TBCK: variants seen among roughly 807,000 people sequenced by gnomAD.
TBCK encodes the protein TBC domain-containing protein kinase-like protein.
Under a neutral mutation model 113.4 loss-of-function variants are expected in TBCK, and 99 were observed. The ratio of observed to expected loss-of-function variants is 0.87; its 90% CI spans 0.74 to 1.03. TBCK has a LOEUF of 1.03. Among genes scored for constraint, TBCK ranks in the 50% least tolerant of loss-of-function variants. TBCK has a pLI of 0.00. For synonymous variants in TBCK, 369 were observed against 370.8 expected, an observed-to-expected ratio of 1.00 and a Z score of 0.05; for missense variants, 1,045 against 1,061.3, an observed-to-expected ratio of 0.98 and a Z score of 0.21.
intron 5 of TBCK, among the ~76,000 whole-genome samples, chr4:106,254,467 A>T (rs777843665): frequency 6.6e-6 from 1 of 152,190 alleles, no homozygotes; most frequent in South Asian, 2.1e-4. Flanking sequence ...ATGACTTGAA[A>T]TATTTTCTAC....
At position 106,292,106 on chromosome 4, in the gene TBCK, G is replaced by A. The variant is rs185788810; in HGVS notation, c.266+2988C>T. 1.1e-3 allele frequency among the ~76,000 whole-genome samples: 161 copies of A among 152,170 alleles called. 1 individual carries two copies. Among genetic ancestry groups the A allele is most frequent in the African/African-American group, 3.6e-3 (148 of 41,502 alleles). ...TTACATCGGTATATGCAGACACAGC[G>A]GCCACCATGACTGGACGGCTTTCTG... On this transcript the variant is annotated intron_variant, in intron 3 of 25. Coordinates refer to ENST00000394708, the MANE Select transcript of TBCK (RefSeq NM_001163435.3).
At chr4:106,110,883 G>C (rs529442934) in intron 24 of TBCK, among the ~76,000 whole-genome samples, 1 of 151,994 alleles carries the variant, frequency 6.6e-6, no homozygotes, top group Non-Finnish European at 1.5e-5. Flanking sequence ...TTGGAAAAAA[G>C]ACAAGGGATA....
chr4:106,225,839 T>C (rs954067197), intron 19 of TBCK, among the ~76,000 whole-genome samples: 1 of 152,154 alleles, frequency 6.6e-6, no homozygotes. Flanking sequence ...CAAGACATTG[T>C]CTTGCATATC....
intron 5 of TBCK, among the ~76,000 whole-genome samples, chr4:106,259,282 G>A (rs1762284446): frequency 1.3e-5 from 2 of 151,702 alleles, no homozygotes; most frequent in Admixed American, 1.3e-4. Flanking sequence ...ATCAAATTAA[G>A]TTTTTGAGTA....
At chr4:106,212,616 G>A (rs1435303889) in intron 20 of TBCK, 134 bp downstream of exon 20, 3 of 596,594 alleles carry the variant, frequency 5.0e-6, no homozygotes, top group African/African-American at 3.8e-5. Context: ...ACTAATACAA[G>A]GCTACAATTA....
In TBCK at chr4:106,216,102, C is replaced by G. The variant is rs931048475; in HGVS notation, c.1775-3267G>C. On this transcript the variant is annotated intron_variant, in intron 19 of 25. Transcript: ENST00000394708. ...CAACTACATGGAAACTGAACAACCTCCTCCTGAATGACTACTGGGTACGTA... is the reference window on the plus strand; with the variant it reads ...CAACTACATGGAAACTGAACAACCTGCTCCTGAATGACTACTGGGTACGTA... Among the ~76,000 whole-genome samples, 21 of 152,184 alleles carry G rather than the reference C, an allele frequency of 1.4e-4. No individual in the cohort carries two copies. In the South Asian group the frequency reaches 1.5e-3, roughly 11 times the overall value.
chr4:106,230,869 C>A (rs1478670546), intron 18 of TBCK, among the ~76,000 whole-genome samples: 1 of 151,710 alleles, frequency 6.6e-6, no homozygotes, highest in African/African-American at 2.4e-5. Context: ...AACACAGACC[C>A]CTGACTATGT....
intron 17 of TBCK, 113 bp downstream of exon 17, chr4:106,232,825 A>T: frequency 9.7e-7 from 1 of 1,026,954 alleles, no homozygotes; most frequent in South Asian, 1.9e-5. Flanking sequence ...TCAGAGCGTC[A>T]ATATTGACTT....
At chr4:106,273,080 T>C (rs1010899504) in intron 3 of TBCK, among the ~76,000 whole-genome samples, 1 of 152,156 alleles carries the variant, frequency 6.6e-6, no homozygotes, top group Admixed American at 6.5e-5. Context: ...TTTTGTAATA[T>C]ACAGATTTTT....
chr4:106,234,402 T>G (rs1381740758), intron 15 of TBCK, among the ~76,000 whole-genome samples: 1 of 152,100 alleles, frequency 6.6e-6, no homozygotes, highest in East Asian at 1.9e-4. Flanking sequence ...AGAAAGGAAA[T>G]TCTTCAAACA....
chr4:106,287,097 C>T (rs771317833), intron 3 of TBCK, among the ~76,000 whole-genome samples: 1 of 152,070 alleles, frequency 6.6e-6, no homozygotes, highest in East Asian at 1.9e-4. Flanking sequence ...ATGGGGTCCT[C>T]TGGAACTTCG....
chr4:106,178,212 G>A (rs1751915236), intron 22 of TBCK, among the ~76,000 whole-genome samples: 1 of 151,912 alleles, frequency 6.6e-6, no homozygotes, highest in Non-Finnish European at 1.5e-5. Flanking sequence ...TGTTCTAACA[G>A]TTTTTTGGTG....
intron 7 of TBCK, among the ~76,000 whole-genome samples, chr4:106,249,891 C>G (rs1464975348): frequency 6.6e-6 from 1 of 152,094 alleles, no homozygotes; most frequent in Non-Finnish European, 1.5e-5. Context: ...CTGTTTTTCT[C>G]TCCTTAATTA....
intron 12 of TBCK, among the ~76,000 whole-genome samples, chr4:106,240,566 T>C (rs1419161674): frequency 6.6e-6 from 1 of 152,030 alleles, no homozygotes; most frequent in Admixed American, 6.6e-5. Context: ...AAAAATATTA[T>C]TGATTTATTT....
Position 106,248,984 on chromosome 4 carries a change from T to G in TBCK, c.659-2A>C, listed in dbSNP as rs1268718649. ...CTATTAAAGTGTCATCTACACAATC[T>G]ATAAAACAGAAAAACTATATGAATA... On this transcript the variant is annotated splice_acceptor_variant, in intron 7 of 25. Transcript: ENST00000394708. LOFTEE classifies it high-confidence loss of function. 1.3e-6 allele frequency: 2 copies of G among 1,591,626 alleles called. No individual in the cohort carries two copies. The highest frequency in any genetic ancestry group is 1.7e-6 in the Non-Finnish European group (2 of 1,170,580).
chr4:106,117,963 A>T lies in TBCK; in HGVS notation c.2236-1585T>A, dbSNP rs567242893. 2.6e-5 allele frequency among the ~76,000 whole-genome samples: 4 copies of T among 151,444 alleles called. No homozygotes were observed. In the East Asian group the frequency reaches 7.8e-4, roughly 30 times the overall value. ...GGCGGAGCTTGCAGTGAGCCAACATAGTGCCACTGCACTCCAGCCTGGGTG... is the reference window on the plus strand; with the variant it reads ...GGCGGAGCTTGCAGTGAGCCAACATTGTGCCACTGCACTCCAGCCTGGGTG... On this transcript the variant is annotated intron_variant, in intron 23 of 25. Transcript: ENST00000394708.
intron 20 of TBCK, among the ~76,000 whole-genome samples, chr4:106,204,702 T>G (rs1755249688): frequency 6.6e-6 from 1 of 151,726 alleles, no homozygotes; most frequent in Non-Finnish European, 1.5e-5. Context: ...TATTGATGGT[T>G]TCTGCAAGAA....
intron 22 of TBCK, among the ~76,000 whole-genome samples, chr4:106,181,509 G>A (rs149887543): frequency 0.027 from 4,084 of 152,164 alleles, 171 homozygotes; most frequent in African/African-American, 0.093. Flanking sequence ...TAGGTCTTAC[G>A]TTTAAGTCTT....
intron 5 of TBCK, among the ~76,000 whole-genome samples, chr4:106,253,327 T>C (rs541462925): frequency 7.2e-5 from 11 of 152,194 alleles, no homozygotes; most frequent in South Asian, 2.1e-4. Flanking sequence ...TTCTATTATA[T>C]GAACATAACA....
Sources: gnomAD v4.1 joint callset for allele counts (sites outside exome capture counted in the v4.1 genomes callset) on GRCh38, gnomAD v4.1.1 for gene constraint, MANE v1.5 for transcripts, NCBI Gene and HGNC (gene_info 2026-07-23, HGNC 2026-07-21) for gene names.